ONECUT2: variants seen among roughly 807,000 people sequenced by gnomAD.
The protein encoded by ONECUT2 is one cut domain family member 2.
In ONECUT2, 10 loss-of-function variants were observed where a neutral mutation model predicts 27.9. The ratio of observed to expected loss-of-function variants is 0.36; its 90% CI spans 0.22 to 0.61. The LOEUF (loss-of-function observed/expected upper bound fraction) is 0.61. Ranked by LOEUF, ONECUT2 falls within the 20% of genes least tolerant of loss-of-function variation. The pLI is 0.73. For missense variants in ONECUT2, 686 were observed against 721.0 expected (o/e 0.95, Z 0.56); for synonymous variants, 334 against 315.1 (o/e 1.06, Z -0.64).
intron 1 of ONECUT2, among the ~76,000 whole-genome samples, chr18:57,446,340 TCATTACTGTG>T (rs1212139207): frequency 6.6e-6 from 1 of 152,224 alleles, no homozygotes; most frequent in Non-Finnish European, 1.5e-5. Context: ...TATGTTCTCT[TCATTACTGTG>T]CATTACAGTA....
chr18:57,483,376 T>C lies in ONECUT2; in HGVS notation c.*6653T>C, dbSNP rs1011616859. On this transcript the variant is annotated 3_prime_UTR_variant, in exon 2 of 2. Transcript: ENST00000491143. ...TTAGACTATCAAATGAAGTTATACA[T>C]GTTGTCAGTCAAAAAATGAAGACAC... 4 of 152,624 alleles carry C rather than the reference T, an allele frequency of 2.6e-5. No individual in the cohort carries two copies. Among genetic ancestry groups the C allele is most frequent in the African/African-American group, 4.8e-5 (2 of 41,440 alleles). 9.5% of individuals were successfully genotyped at this position (152,624 alleles called of 1,614,324 possible).
chr18:57,456,565 C>T (rs867030235), intron 1 of ONECUT2, among the ~76,000 whole-genome samples: 1 of 152,066 alleles, frequency 6.6e-6, no homozygotes, highest in Non-Finnish European at 1.5e-5. Flanking sequence ...ACGGAAAGTA[C>T]AATGGTGCTT....
chr18:57,474,551 C>T (rs112542405), intron 1 of ONECUT2, among the ~76,000 whole-genome samples: 85 of 152,130 alleles, frequency 5.6e-4, no homozygotes, highest in Non-Finnish European at 7.3e-4. Flanking sequence ...TGTGTCCTCC[C>T]GTGGTAGAAG....
At chr18:57,467,833 G>A (rs2050332347) in intron 1 of ONECUT2, among the ~76,000 whole-genome samples, 1 of 152,166 alleles carries the variant, frequency 6.6e-6, no homozygotes, top group Admixed American at 6.5e-5. Context: ...TGGGGACTTT[G>A]CCCCCACCCT....
intron 1 of ONECUT2, among the ~76,000 whole-genome samples, chr18:57,471,555 C>T (rs1425499097): frequency 6.6e-6 from 1 of 152,134 alleles, no homozygotes; most frequent in Non-Finnish European, 1.5e-5. Context: ...GGCTTGTGCC[C>T]GAGGCCAGGG....
At chr18:57,473,343 A>G (rs1178730000) in intron 1 of ONECUT2, among the ~76,000 whole-genome samples, 1 of 152,152 alleles carries the variant, frequency 6.6e-6, no homozygotes, top group Non-Finnish European at 1.5e-5. Context: ...AATGAAAATC[A>G]TTTTTCCTGA....
chr18:57,489,706 A>AGAT lies in ONECUT2; in HGVS notation c.*12984_*12986dup, dbSNP rs907587284. 5 of 152,148 alleles carry AGAT rather than the reference A, an allele frequency of 3.3e-5. No homozygotes were observed. The highest frequency in any genetic ancestry group is 1.2e-4 in the African/African-American group (5 of 41,420). 9.4% of individuals were successfully genotyped at this position (152,148 alleles called of 1,614,324 possible). On this transcript the variant is annotated 3_prime_UTR_variant, in exon 2 of 2. Transcript: ENST00000491143. ...TCGGATAGGTAGTCATACCATTAAC[A>AGAT]GATACTTCCTTGAAGGTAGAATATT...
intron 1 of ONECUT2, among the ~76,000 whole-genome samples, chr18:57,450,449 C>T (rs1235268040): frequency 6.6e-6 from 1 of 152,210 alleles, no homozygotes; most frequent in Non-Finnish European, 1.5e-5. Context: ...ATTGGGATTA[C>T]AGGCGTGAGC....
rs565713978 is a variant in ONECUT2 at position 57,450,894 on chromosome 18, T to C, written c.1228+13950T>C. 2.6e-5 allele frequency among the ~76,000 whole-genome samples: 4 copies of C among 152,350 alleles called. No homozygotes were observed. The South Asian group carries it at 8.3e-4, about 32-fold the overall frequency. On this transcript the variant is annotated intron_variant, in intron 1 of 1. Coordinates refer to ENST00000491143, the MANE Select transcript of ONECUT2 (RefSeq NM_004852.3). The stretch of plus-strand genomic sequence containing the variant: ...TTTATATTTTATTATTTTCCTTTGA[T>C]GAATCCATTGCTGCCTACACTGTAC...
At chr18:57,467,216 C>A (rs985317168) in intron 1 of ONECUT2, 1 of 456,132 alleles carries the variant, frequency 2.2e-6, no homozygotes, top group South Asian at 1.6e-5. Context: ...TGCCTCCAGC[C>A]GACAGTAAGT....
intron 1 of ONECUT2, among the ~76,000 whole-genome samples, chr18:57,460,019 C>T (rs1044848558): frequency 1.3e-5 from 2 of 152,184 alleles, no homozygotes; most frequent in Non-Finnish European, 2.9e-5. Flanking sequence ...AACTCTTGGG[C>T]TCAAGCGATC....
chr18:57,435,708 A>G lies in ONECUT2; in HGVS notation c.-9A>G. Reference sequence around the variant, plus strand: ...CCGCCCCCGCCGCCCCCGGGCCCTGATGGACTGAATGAAGGCTGCCTACAC... The same window carrying G: ...CCGCCCCCGCCGCCCCCGGGCCCTGGTGGACTGAATGAAGGCTGCCTACAC... On this transcript the variant is annotated 5_prime_UTR_variant, in exon 1 of 2. The change abolishes an upstream ATG in the 5' untranslated region. Transcript: ENST00000491143. 2 of 1,029,494 alleles carry G rather than the reference A, an allele frequency of 1.9e-6. No individual in the cohort carries two copies. The highest frequency in any genetic ancestry group is 2.0e-5 in the South Asian group (1 of 49,134). 63.8% of individuals were successfully genotyped at this position (1,029,494 alleles called of 1,614,324 possible). A position where few individuals can be genotyped will look rare whatever the true frequency, so the allele number is the denominator to read the frequency against.
chr18:57,448,105 C>G (rs1009320528), intron 1 of ONECUT2, among the ~76,000 whole-genome samples: 1 of 151,986 alleles, frequency 6.6e-6, no homozygotes, highest in African/African-American at 2.4e-5. Flanking sequence ...ATAGGAGAGT[C>G]CTTTTGGTCA....
Position 57,476,944 on chromosome 18 carries a change from T to C in ONECUT2, c.*221T>C. The C allele has an allele frequency of 3.4e-6, 2 of 589,612 alleles. No individual in the cohort carries two copies. Among genetic ancestry groups the C allele is most frequent in the Non-Finnish European group, 5.9e-6 (2 of 338,302 alleles). 36.5% of individuals were successfully genotyped at this position (589,612 alleles called of 1,614,324 possible). ...TGGAGTCCAAGTGCAAGCTGAAAAATTAATCTCTTAGAACCAGACACTGTT... is the reference window on the plus strand; with the variant it reads ...TGGAGTCCAAGTGCAAGCTGAAAAACTAATCTCTTAGAACCAGACACTGTT... On this transcript the variant is annotated 3_prime_UTR_variant, in exon 2 of 2. Transcript: ENST00000491143.
In ONECUT2 at chr18:57,435,699, C is replaced by G. The variant is rs1341561537; in HGVS notation, c.-18C>G. 3 of 1,112,870 alleles carry G rather than the reference C, an allele frequency of 2.7e-6. No individual in the cohort carries two copies. Among genetic ancestry groups the G allele is most frequent in the Non-Finnish European group, 3.4e-6 (3 of 894,640 alleles). The allele number at this position is 1,112,870 out of a possible 1,614,324, so 68.9% of individuals were successfully genotyped here. ...CCGCCCCCGCCGCCCCCGCCGCCCC[C>G]GGGCCCTGATGGACTGAATGAAGGC... is the stretch of plus-strand genomic sequence containing the variant. On this transcript the variant is annotated 5_prime_UTR_variant, in exon 1 of 2. Coordinates refer to ENST00000491143, the MANE Select transcript of ONECUT2 (RefSeq NM_004852.3).
chr18:57,474,986 T>C (rs2050373915), intron 1 of ONECUT2, among the ~76,000 whole-genome samples: 2 of 151,760 alleles, frequency 1.3e-5, no homozygotes, highest in African/African-American at 4.8e-5. Flanking sequence ...TTCCTGGCCT[T>C]TCCCCAGTTT....
chr18:57,465,493 A>G (rs1015285185), intron 1 of ONECUT2, among the ~76,000 whole-genome samples: 2 of 152,298 alleles, frequency 1.3e-5, no homozygotes, highest in Non-Finnish European at 2.9e-5. Context: ...TTTTCATTAC[A>G]TATGGTTACT....
At chr18:57,445,344 G>C (rs2050195799) in intron 1 of ONECUT2, among the ~76,000 whole-genome samples, 1 of 152,220 alleles carries the variant, frequency 6.6e-6, no homozygotes, top group Non-Finnish European at 1.5e-5. Context: ...TTGTGGAGCA[G>C]AGTAGACGCA....
intron 1 of ONECUT2, among the ~76,000 whole-genome samples, chr18:57,452,151 A>G (rs1246302029): frequency 6.6e-6 from 1 of 152,150 alleles, no homozygotes; most frequent in African/African-American, 2.4e-5. Context: ...TAACAAACCT[A>G]TGCCCACCTG....
Sources: allele counts gnomAD v4.1 joint callset (sites outside exome capture counted in the v4.1 genomes callset), GRCh38; gene constraint gnomAD v4.1.1; transcripts MANE v1.5; gene names NCBI Gene and HGNC (gene_info 2026-07-23, HGNC 2026-07-21).